MAGIX: variants seen among roughly 807,000 people sequenced by gnomAD.
MAGIX encodes MAGI family member, X-linked, also known as PDZ domain-containing protein MAGIX.
MAGIX carries 13 observed loss-of-function variants against 10.0 expected under a neutral mutation model. The ratio of observed to expected loss-of-function variants is 1.30; its 90% confidence interval spans 0.84 to 2.06. MAGIX has a LOEUF of 2.06. Ranked by LOEUF, MAGIX falls within the 30% of genes most tolerant of loss-of-function variation. The probability of loss-of-function intolerance (pLI) is 0.00; values close to 1 mark genes in which losing one functional copy is unlikely to be tolerated. For synonymous variants in MAGIX, 108 were observed against 106.8 expected, an observed-to-expected ratio of 1.01 and a Z score of -0.07; for missense variants, 235 against 245.2, an observed-to-expected ratio of 0.96 and a Z score of 0.28.
chrX:49,163,717 C>A, intron 1 of MAGIX, 66 bp from the exon 2 acceptor site: 1 of 953,256 alleles, frequency 1.0e-6, no homozygotes, highest in Non-Finnish European at 1.3e-6. Flanking sequence ...GGTCTTCGAG[C>A]GTCCGGAAGC....
chrX:49,163,680 C>T (rs2065344783), intron 1 of MAGIX, 103 bp from the exon 2 acceptor site: 2 of 795,655 alleles, frequency 2.5e-6, no homozygotes, highest in African/African-American at 2.2e-5. Context: ...GGCCAGGGGT[C>T]GCCGGGTATC....
In MAGIX at chrX:49,164,802, C is replaced by T. The variant is rs782517331; in HGVS notation, c.42C>T (p.Ile14=). Reference sequence around the variant, plus strand: ...TCACCGGCCCCAGGTACCATCTCATCCTTCTATCGGAGGCCTCCTGCCTCA... The same window carrying T: ...TCACCGGCCCCAGGTACCATCTCATTCTTCTATCGGAGGCCTCCTGCCTCA... The change falls in exon 3 of 5, where the codon ATC becomes ATT. Residue 14 remains isoleucine (I), a synonymous_variant. Coordinates refer to ENST00000616266, the Ensembl canonical transcript of MAGIX. The T allele has an allele frequency of 1.7e-6, 2 of 1,210,832 alleles. No individual in the cohort carries two copies. The highest frequency in any genetic ancestry group is 2.2e-6 in the Non-Finnish European group (2 of 894,258).
chrX:49,164,729 G>A lies in MAGIX; in HGVS notation c.-32G>A, dbSNP rs190614446. ...CAGCTGTTAGCGTGCTGGACTCTGCGGACATAGAGGTCACAGACAGTCGCC... is the reference window on the plus strand; with the variant it reads ...CAGCTGTTAGCGTGCTGGACTCTGCAGACATAGAGGTCACAGACAGTCGCC... On this transcript the variant is annotated 5_prime_UTR_variant, in exon 3 of 5. Transcript: ENST00000616266. 6.6e-6 allele frequency: 8 copies of A among 1,210,081 alleles called. No individual in the cohort carries two copies. In the East Asian group the frequency reaches 8.9e-5, roughly 13 times the overall value.
At chrX:49,162,904 A>AG in intron 1 of MAGIX, 1 of 892,412 alleles carries the variant, frequency 1.1e-6, no homozygotes, top group Non-Finnish European at 1.5e-6. Flanking sequence ...AGCCGCGCAC[A>AG]GGGGACGCCG....
At chrX:49,165,788 G>T in intron 4 of MAGIX, 1 of 354,071 alleles carries the variant, frequency 2.8e-6, no homozygotes, top group Non-Finnish European at 4.9e-6. Flanking sequence ...AACGGAGGTG[G>T]GATGAGAGAG....
chrX:49,166,123 G>A (rs782316445), exon 5 of MAGIX: 13 of 1,210,230 alleles, frequency 1.1e-5, no homozygotes, highest in Admixed American at 4.4e-5. Flanking sequence ...CGGAGGTAAC[G>A]GGGTCTCGCA....
downstream of MAGIX, chrX:49,168,526 A>C (rs1557098750): frequency 1.9e-5 from 2 of 106,453 alleles, no homozygotes; most frequent in African/African-American, 6.9e-5. Context: ...TGTGCCTGTA[A>C]TCCCAGTACT....
At chrX:49,162,790 G>C (rs2065337603) in intron 1 of MAGIX, 2 of 472,268 alleles carry the variant, frequency 4.2e-6, no homozygotes, top group African/African-American at 5.2e-5. Flanking sequence ...GGACCCGCCA[G>C]CTTCAGCCTC....
chrX:49,164,870 G>T (rs1557097236), exon 3 of MAGIX: 2 of 1,210,613 alleles, frequency 1.7e-6, no homozygotes, highest in African/African-American at 3.5e-5. Context: ...CAGCACCGTT[G>T]GTTAGAGACA....
intron 1 of MAGIX, 52 bp from the exon 2 acceptor site, chrX:49,163,731 G>C: frequency 1.0e-6 from 1 of 986,760 alleles, no homozygotes. Flanking sequence ...CGGAAGCATA[G>C]GGGTTGGCCG....
intron 4 of MAGIX, chrX:49,165,789 G>T: frequency 2.8e-6 from 1 of 357,255 alleles, no homozygotes; most frequent in Non-Finnish European, 4.8e-6. Context: ...ACGGAGGTGG[G>T]ATGAGAGAGG....
At chrX:49,163,828 T>G in exon 2 of MAGIX, 10 of 1,042,768 alleles carry the variant, frequency 9.6e-6, no homozygotes, top group Non-Finnish European at 1.2e-5. Context: ...CGGCAGCTCC[T>G]GGCGCGGTTG....
At chrX:49,163,887 G>A in exon 2 of MAGIX, 1 of 1,033,392 alleles carries the variant, frequency 9.7e-7, no homozygotes, top group Admixed American at 5.4e-5. Context: ...GGCAGCGCTG[G>A]TACGCAGGGC....
rs1301218217 is a variant in MAGIX at position 49,165,665 on chromosome X, C to G, written c.502+304C>G. 1.5e-5 allele frequency: 5 copies of G among 324,104 alleles called. No homozygotes were observed. The East Asian group carries it at 2.5e-4, about 16-fold the overall frequency. The allele number at this position is 324,104 out of a possible 1,213,427, so 26.7% of individuals were successfully genotyped here. On this transcript the variant is annotated intron_variant, in intron 4 of 4. Transcript: ENST00000616266. ...AAAGCAAGTGTTTGGAAGGAAGGGT[C>G]TTAGTTCTCAGAGGCGAAGGCAGAG... is the stretch of plus-strand genomic sequence containing the variant.
At chrX:49,165,957 G>A in intron 4 of MAGIX, 117 bp from the exon 6 acceptor site, 1 of 697,293 alleles carries the variant, frequency 1.4e-6, no homozygotes, top group East Asian at 3.4e-5. Context: ...AGGCCTGGAG[G>A]GGAGATTTCT....
chrX:49,164,350 A>G (rs782452042), intron 2 of MAGIX: 15 of 331,987 alleles, frequency 4.5e-5, no homozygotes, highest in Non-Finnish European at 7.3e-5. Flanking sequence ...AGGGCGTGCT[A>G]TGGAAGGTTC....
chrX:49,162,943 A>T lies in MAGIX; in HGVS notation c.-202+198A>T. 1 of 691,808 alleles carries T rather than the reference A, an allele frequency of 1.4e-6. No individual in the cohort carries two copies. Among genetic ancestry groups the T allele is most frequent in the East Asian group, 4.1e-5 (1 of 24,338 alleles). The allele number at this position is 691,808 out of a possible 1,213,427, so 57.0% of individuals were successfully genotyped here. A position where few individuals can be genotyped will look rare whatever the true frequency, so the allele number is the denominator to read the frequency against. ...ACCCTAGGGGGAGCAGAGGAGGTAC[A>T]GGGATTGGGGTCGTTGGGGAAGGAC... On this transcript the variant is annotated intron_variant, in intron 1 of 4. Coordinates refer to ENST00000616266, the Ensembl canonical transcript of MAGIX.
Position 49,163,820 on chromosome X carries a change from G to T in MAGIX, c.-164G>T, listed in dbSNP as rs1328015763. 4 of 1,045,859 alleles carry T rather than the reference G, an allele frequency of 3.8e-6. No individual in the cohort carries two copies. In the African/African-American group the frequency reaches 6.0e-5, roughly 16 times the overall value. The allele number at this position is 1,045,859 out of a possible 1,213,427, so 86.2% of individuals were successfully genotyped here. On this transcript the variant is annotated 5_prime_UTR_variant, in exon 2 of 5. Transcript: ENST00000616266. The stretch of plus-strand genomic sequence containing the variant: ...CCCCGCTCGCGGGCCCTAGCGCCCG[G>T]CAGCTCCTGGCGCGGTTGGACGCGC...
chrX:49,163,745 C>T, intron 1 of MAGIX, 38 bp from the exon 2 acceptor site: 1 of 1,004,681 alleles, frequency 1.0e-6, no homozygotes, highest in Non-Finnish European at 1.3e-6. Context: ...TTGGCCGAGG[C>T]CGAGGGTCGG....
Sources: gnomAD v4.1 joint callset for allele counts on GRCh38, gnomAD v4.1.1 for gene constraint, MANE v1.5 for transcripts, NCBI Gene and HGNC (gene_info 2026-07-23, HGNC 2026-07-21) for gene names.